Variants in ARHGAP10 observed in about 807,000 individuals in gnomAD.
ARHGAP10 encodes the protein Rho GTPase activating protein 10, also known as rho GTPase-activating protein 10.
ARHGAP10 carries 87 observed loss-of-function variants against 108.6 expected under a neutral mutation model. The ratio of observed to expected loss-of-function variants is 0.80; its 90% CI spans 0.67 to 0.96. The LOEUF (loss-of-function observed/expected upper bound fraction) is 0.96, where lower values mean the gene tolerates loss of function less well. Ranked by LOEUF, ARHGAP10 falls within the 40% of genes least tolerant of loss-of-function variation. ARHGAP10 has a pLI of 0.00. For missense variants in ARHGAP10, 939 were observed against 954.5 expected, an observed-to-expected ratio of 0.98 and a Z score of 0.21; for synonymous variants, 347 against 341.1, an observed-to-expected ratio of 1.02 and a Z score of -0.19.
chr4:147,892,162 T>C (rs1046621838), intron 10 of ARHGAP10, among the ~76,000 whole-genome samples: 1 of 151,884 alleles, frequency 6.6e-6, no homozygotes, highest in Non-Finnish European at 1.5e-5. Context: ...AGAATTCACT[T>C]ATTTATATTT....
At chr4:147,966,402 G>A (rs1739201830) in intron 17 of ARHGAP10, among the ~76,000 whole-genome samples, 1 of 152,160 alleles carries the variant, frequency 6.6e-6, no homozygotes, top group Non-Finnish European at 1.5e-5. Flanking sequence ...AGGGATTCTG[G>A]CATCAATTCC....
chr4:147,808,320 T>C (rs1011465887), intron 1 of ARHGAP10, among the ~76,000 whole-genome samples: 2 of 151,844 alleles, frequency 1.3e-5, no homozygotes, highest in African/African-American at 2.4e-5. Flanking sequence ...GGAAAAAACT[T>C]TGGCATTTTT....
intron 3 of ARHGAP10, among the ~76,000 whole-genome samples, chr4:147,829,578 T>C (rs1322829701): frequency 6.6e-6 from 1 of 152,158 alleles, no homozygotes; most frequent in Non-Finnish European, 1.5e-5. Flanking sequence ...GAGTCAGATC[T>C]GATACAGTTA....
intron 4 of ARHGAP10, among the ~76,000 whole-genome samples, chr4:147,850,241 C>G (rs893107013): frequency 1.3e-5 from 2 of 152,170 alleles, no homozygotes; most frequent in African/African-American, 4.8e-5. Context: ...GATTAATCAG[C>G]GCTCTGTAAA....
At chr4:148,010,600 AC>A (rs941120850) in intron 18 of ARHGAP10, among the ~76,000 whole-genome samples, 33 of 152,296 alleles carry the variant, frequency 2.2e-4, no homozygotes, top group African/African-American at 7.2e-4. Flanking sequence ...TTATATCATA[AC>A]CCTTCATCCC....
At chr4:147,979,917 A>C (rs1739746793) in intron 18 of ARHGAP10, among the ~76,000 whole-genome samples, 1 of 152,188 alleles carries the variant, frequency 6.6e-6, no homozygotes, top group South Asian at 2.1e-4. Context: ...GAAGTTGTTA[A>C]TCAGATCTAG....
At chr4:147,807,688 G>T (rs1731846163) in intron 1 of ARHGAP10, among the ~76,000 whole-genome samples, 1 of 152,130 alleles carries the variant, frequency 6.6e-6, no homozygotes, top group African/African-American at 2.4e-5. Flanking sequence ...AGCAAATAAA[G>T]ACTGTATATC....
chr4:147,930,113 C>T (rs190081602), intron 13 of ARHGAP10, among the ~76,000 whole-genome samples: 151 of 152,322 alleles, frequency 9.9e-4, no homozygotes, highest in African/African-American at 3.0e-3. Context: ...GATGAAGCAT[C>T]TCATTCCATG....
chr4:147,996,425 T>C (rs930768041), intron 18 of ARHGAP10, among the ~76,000 whole-genome samples: 2 of 152,222 alleles, frequency 1.3e-5, no homozygotes, highest in African/African-American at 4.8e-5. Flanking sequence ...AACATGACCA[T>C]CTCATACTCT....
At chr4:147,893,756 C>T (rs1273245869) in intron 10 of ARHGAP10, among the ~76,000 whole-genome samples, 2 of 151,786 alleles carry the variant, frequency 1.3e-5, no homozygotes, top group African/African-American at 2.4e-5. Context: ...TCGGGAACTA[C>T]CAAGATACCA....
intron 1 of ARHGAP10, among the ~76,000 whole-genome samples, chr4:147,777,489 A>G (rs1730348190): frequency 6.6e-6 from 1 of 152,104 alleles, no homozygotes; most frequent in African/African-American, 2.4e-5. Flanking sequence ...TCTCCATCTC[A>G]TGACCTCCTG....
chr4:147,861,391 C>G (rs980304614), intron 5 of ARHGAP10: 1 of 152,568 alleles, frequency 6.6e-6, no homozygotes, highest in Non-Finnish European at 1.5e-5. Context: ...TAGGGAGCCC[C>G]TAGGTCTGGG....
intron 1 of ARHGAP10, among the ~76,000 whole-genome samples, chr4:147,757,661 C>T (rs1270638379): frequency 6.6e-6 from 1 of 152,232 alleles, no homozygotes; most frequent in African/African-American, 2.4e-5. Context: ...GGCTTACTCA[C>T]GGGCCTCTAC....
chr4:147,788,396 G>T (rs891940516), intron 1 of ARHGAP10, among the ~76,000 whole-genome samples: 4 of 152,156 alleles, frequency 2.6e-5, no homozygotes, highest in Admixed American at 6.5e-5. Flanking sequence ...GCAGTGAGCT[G>T]AGATCACGCC....
chr4:148,029,050 T>C (rs1283852145), intron 19 of ARHGAP10, among the ~76,000 whole-genome samples: 1 of 152,178 alleles, frequency 6.6e-6, no homozygotes, highest in East Asian at 1.9e-4. Context: ...GCGTAACTGC[T>C]TTGAAAAATA....
intron 13 of ARHGAP10, among the ~76,000 whole-genome samples, chr4:147,936,282 A>G (rs978670550): frequency 5.6e-5 from 8 of 142,996 alleles, no homozygotes; most frequent in Non-Finnish European, 1.2e-4. Flanking sequence ...CTTTTTTCCA[A>G]CTCCTGGCAG....
intron 13 of ARHGAP10, among the ~76,000 whole-genome samples, chr4:147,930,619 GAAATT>G (rs1206930711): frequency 6.6e-6 from 1 of 152,090 alleles, no homozygotes; most frequent in African/African-American, 2.4e-5. Flanking sequence ...AAATTAACAG[GAAATT>G]AAATGTTATG....
At chr4:148,053,769 A>T (rs1280637988) in intron 20 of ARHGAP10, among the ~76,000 whole-genome samples, 7 of 152,170 alleles carry the variant, frequency 4.6e-5, no homozygotes, top group Admixed American at 2.6e-4. Context: ...CTGGCCCCTT[A>T]CATGCTTCGA....
chr4:147,777,003 A>T (rs530220339), intron 1 of ARHGAP10, among the ~76,000 whole-genome samples: 156 of 152,314 alleles, frequency 1.0e-3, no homozygotes, highest in African/African-American at 3.2e-3. Context: ...GGCTATATTC[A>T]TCACTGATCT....
Sources: allele counts gnomAD v4.1 joint callset (sites outside exome capture counted in the v4.1 genomes callset), GRCh38; gene constraint gnomAD v4.1.1; transcripts MANE v1.5; gene names NCBI Gene and HGNC (gene_info 2026-07-23, HGNC 2026-07-21).